SARDH: variants seen among roughly 807,000 people sequenced by gnomAD.
SARDH encodes sarcosine dehydrogenase, also known as sarcosine dehydrogenase, mitochondrial.
Under a neutral mutation model 109.1 loss-of-function variants are expected in SARDH, and 95 were observed. That is an observed-to-expected ratio of 0.87 (90% CI 0.74 to 1.03). SARDH has a LOEUF of 1.03. Ranked by LOEUF, SARDH falls within the 50% of genes least tolerant of loss-of-function variation. The pLI, the probability that SARDH is intolerant of heterozygous loss-of-function variation, is 0.00. For missense variants in SARDH, 1,267 were observed against 1,287.8 expected, an observed-to-expected ratio of 0.98 and a Z score of 0.25; for synonymous variants, 572 against 534.8, an observed-to-expected ratio of 1.07 and a Z score of -0.96.
At position 133,703,018 on chromosome 9, in the gene SARDH, G is replaced by C; in HGVS notation, c.1566C>G (p.Tyr522Ter). 6.2e-7 allele frequency: 1 copy of C among 1,613,068 alleles called. No individual in the cohort carries two copies. Among genetic ancestry groups the C allele is most frequent in the Non-Finnish European group, 8.5e-7 (1 of 1,179,868 alleles). The change falls in exon 13 of 21, where the codon TAC becomes TAG. Residue 522 changes from tyrosine to a stop codon, truncating the protein, a stop_gained. Transcript: ENST00000439388. LOFTEE classifies it high-confidence loss of function. ...HPRGPAPVLE[Y>*]DYYGAYGSRA... ...GGCTCCCGTAAGCCCCGTAGTAGTC[G>C]TACTCGAGGACCTGGGAAGAAAAGA...
At chr9:133,661,277 T>G (rs1354889739), downstream of SARDH, among the ~76,000 whole-genome samples, 4 of 149,140 alleles carry the variant, frequency 2.7e-5, no homozygotes, top group African/African-American at 5.0e-5. Flanking sequence ...GAGGTGGAGG[T>G]TGTAGTGAGC....
At chr9:133,697,611 T>C (rs1831330578) in intron 13 of SARDH, among the ~76,000 whole-genome samples, 1 of 152,144 alleles carries the variant, frequency 6.6e-6, no homozygotes, top group Non-Finnish European at 1.5e-5. Flanking sequence ...ATGAGGTTGG[T>C]TTAACATTCA....
intron 13 of SARDH, among the ~76,000 whole-genome samples, chr9:133,699,637 G>T (rs1251998863): frequency 6.6e-6 from 1 of 152,164 alleles, no homozygotes; most frequent in East Asian, 1.9e-4. Context: ...AACATCATTA[G>T]TTGTTCCAGG....
chr9:133,722,780 T>A (rs1588447944), intron 6 of SARDH, among the ~76,000 whole-genome samples: 1 of 152,152 alleles, frequency 6.6e-6, no homozygotes, highest in East Asian at 1.9e-4. Context: ...GTTCAAGTGA[T>A]TCTCCTGCCT....
At chr9:133,722,729 C>T (rs1330611337) in intron 6 of SARDH, among the ~76,000 whole-genome samples, 1 of 151,848 alleles carries the variant, frequency 6.6e-6, no homozygotes, top group Non-Finnish European at 1.5e-5. Flanking sequence ...GGCTAGAGTG[C>T]AGTGGTGCCA....
chr9:133,689,978 C>A (rs1564254688), intron 16 of SARDH, among the ~76,000 whole-genome samples: 1 of 152,162 alleles, frequency 6.6e-6, no homozygotes, highest in Non-Finnish European at 1.5e-5. Flanking sequence ...TCCGGAGGAG[C>A]CAGGGACCCC....
intron 17 of SARDH, among the ~76,000 whole-genome samples, chr9:133,684,743 C>T (rs1450655516): frequency 6.6e-6 from 1 of 152,184 alleles, no homozygotes; most frequent in African/African-American, 2.4e-5. Flanking sequence ...ACCCCAGCAG[C>T]CCCTCCTCCC....
chr9:133,708,210 A>G, intron 11 of SARDH, 77 bp downstream of exon 11: 2 of 1,512,908 alleles, frequency 1.3e-6, no homozygotes, highest in South Asian at 2.6e-5. Flanking sequence ...TACACCTTGC[A>G]TTTCTGTCAC....
Position 133,696,272 on chromosome 9 carries a change from T to G in SARDH, c.1758A>C (p.Ala586=), listed in dbSNP as rs1362529036. 7.4e-6 allele frequency: 12 copies of G among 1,614,148 alleles called. No homozygotes were observed. The highest frequency in any genetic ancestry group is 1.0e-5 in the Non-Finnish European group (12 of 1,180,032). ...AGAAGAGCCAGTCGGCAGCCTTCCT[T>G]GCATCCAGCCCCACCAGGTAGAACT... The part of the protein sequence containing the change: ...FGKFYLVGLD[A]RKAADWLFSA... Residue 586 remains alanine, a synonymous_variant, in exon 14 of 21, where the codon GCA becomes GCC. Transcript: ENST00000439388.
chr9:133,685,319 A>T, intron 16 of SARDH, 33 bp from the exon 17 acceptor site: 1 of 1,597,356 alleles, frequency 6.3e-7, no homozygotes, highest in Non-Finnish European at 8.5e-7. Context: ...TCAGTCAGCA[A>T]GTGCTCACGG....
In SARDH at chr9:133,666,519, C is replaced by A. The variant is rs1300360385; in HGVS notation, c.2631+216G>T. ...CTCCCTCCTCCCTCTCCCTCCTCCT[C>A]CTCCTTCCTCTCTCCCCTTTTTCCT... On this transcript the variant is annotated intron_variant, in intron 20 of 20. Coordinates refer to ENST00000439388, the MANE Select transcript of SARDH (RefSeq NM_001134707.2). The surrounding 1 kb of genome is among the most constrained non-coding windows in gnomAD (Gnocchi z 5.2). Among the ~76,000 whole-genome samples the A allele has an allele frequency of 4.0e-5, 6 of 150,358 alleles. No homozygotes were observed. Among genetic ancestry groups the A allele is most frequent in the Non-Finnish European group, 8.9e-5 (6 of 67,530 alleles).
At chr9:133,672,710 G>A (rs1372130523) in intron 17 of SARDH, among the ~76,000 whole-genome samples, 2 of 152,226 alleles carry the variant, frequency 1.3e-5, no homozygotes, top group Non-Finnish European at 2.9e-5. Context: ...GACTCAGCTC[G>A]GCCGTGAGCA....
Position 133,712,666 on chromosome 9 carries a change from C to A in SARDH, c.1281G>T (p.Trp427Cys), listed in dbSNP as rs1480438308. 1 of 1,610,372 alleles carries A rather than the reference C, an allele frequency of 6.2e-7. No homozygotes were observed. Among genetic ancestry groups the A allele is most frequent in the African/African-American group, 1.3e-5 (1 of 74,906 alleles). Reference sequence around the variant, plus strand: ...CCTTCTCCGGGCGCCCATGGATGATCCAGTGGGCCAGCTCCTGCCCACAGC... The same window carrying A: ...CCTTCTCCGGGCGCCCATGGATGATACAGTGGGCCAGCTCCTGCCCACAGC... ...GGGCGQELAH[W>C]IIHGRPEKDM... is the part of the protein sequence containing the mutation. The change falls in exon 10 of 21, where the codon TGG becomes TGT. Residue 427 changes from tryptophan (W) to cysteine (C), a missense_variant. By Grantham distance (215) the Trp-to-Cys change is radical. Coordinates refer to ENST00000439388, the MANE Select transcript of SARDH (RefSeq NM_001134707.2). The surrounding 1 kb of genome is among the most constrained non-coding windows in gnomAD (Gnocchi z 4.1).
At chr9:133,699,100 A>C (rs1371375987) in intron 13 of SARDH, among the ~76,000 whole-genome samples, 1 of 152,202 alleles carries the variant, frequency 6.6e-6, no homozygotes. Context: ...TAATCCCAGC[A>C]CTTTGGGAGG....
At chr9:133,738,077 C>A (rs1298797138) in intron 1 of SARDH, among the ~76,000 whole-genome samples, 177 bp downstream of exon 1, 2 of 152,078 alleles carry the variant, frequency 1.3e-5, no homozygotes, top group African/African-American at 2.4e-5. Flanking sequence ...TGGGGAGGAG[C>A]GGCAGGGGGC....
rs560728871 is a variant in SARDH at position 133,666,656 on chromosome 9, A to T, written c.2631+79T>A. The T allele has an allele frequency of 1.3e-6, 2 of 1,528,928 alleles. No individual in the cohort carries two copies. The highest frequency in any genetic ancestry group is 1.8e-6 in the Non-Finnish European group (2 of 1,130,130). The allele number at this position is 1,528,928 out of a possible 1,614,324, so 94.7% of individuals were successfully genotyped here. On this transcript the variant is annotated intron_variant, in intron 20 of 20. Transcript: ENST00000439388. The surrounding 1 kb of genome is among the most constrained non-coding windows in gnomAD (Gnocchi z 5.2). ...CCTCCTCCCTATGCCCGGCACACTC[A>T]GGGTGCAGTGCAGGGAGCTGGTTTG...
Position 133,718,813 on chromosome 9 carries a change from G to T in SARDH, c.1020+125C>A. On this transcript the variant is annotated intron_variant, in intron 7 of 20. Transcript: ENST00000439388. This position sits in a 1 kb window ranked among gnomAD's most constrained non-coding sequence, Gnocchi z 4.2. The stretch of plus-strand genomic sequence containing the variant: ...GGCTTTGAGCTTGGTGGGGTCAGGG[G>T]ACCGGCCACTTCTCAGGTGTGCCTC... 2 of 840,106 alleles carry T rather than the reference G, an allele frequency of 2.4e-6. No homozygotes were observed. Among genetic ancestry groups the T allele is most frequent in the South Asian group, 2.6e-5 (2 of 75,510 alleles). The allele number at this position is 840,106 out of a possible 1,614,324, so 52.0% of individuals were successfully genotyped here. A position where few individuals can be genotyped will look rare whatever the true frequency, so the allele number is the denominator to read the frequency against.
At chr9:133,663,539 T>G, downstream of SARDH, 1 of 304,378 alleles carries the variant, frequency 3.3e-6, no homozygotes, top group Non-Finnish European at 6.1e-6. Flanking sequence ...GAGTAAAAGA[T>G]GAAGCCTATT....
intron 13 of SARDH, among the ~76,000 whole-genome samples, chr9:133,697,885 C>A (rs991552315): frequency 2.6e-5 from 4 of 151,684 alleles, no homozygotes; most frequent in Non-Finnish European, 2.9e-5. Context: ...GCACTGGAGG[C>A]TCTAGCCAGG....
Sources: gnomAD v4.1 joint callset for allele counts (sites outside exome capture counted in the v4.1 genomes callset) on GRCh38, gnomAD v4.1.1 for gene constraint, Gnocchi (gnomAD v3.1) non-coding constraint, MANE v1.5 for transcripts, NCBI Gene and HGNC (gene_info 2026-07-23, HGNC 2026-07-21) for gene names.